The following SYT16 variants were observed in gnomAD, a reference collection of about 807,000 sequenced individuals.
SYT16 encodes synaptotagmin-16.
A neutral mutation model predicts 61.4 loss-of-function variants in SYT16; 42 were observed. That is an observed-to-expected ratio of 0.68 (90% confidence interval 0.53 to 0.89). The LOEUF (loss-of-function observed/expected upper bound fraction) is 0.89, where lower values mean the gene tolerates loss of function less well. SYT16 is among the 40% of genes least tolerant of loss of function. The pLI, the probability that SYT16 is intolerant of heterozygous loss-of-function variation, is 0.00. For synonymous variants in SYT16, 314 were observed against 302.3 expected (o/e 1.04, Z -0.40); for missense variants, 804 against 807.3 (o/e 1.00, Z 0.05).
rs2051486039 is a variant in SYT16, at chr14:61,970,137, C to A, written c.-319C>A. The A allele has an allele frequency of 6.6e-6, 1 of 152,188 alleles. No individual in the cohort carries two copies. Among genetic ancestry groups the A allele is most frequent in the African/African-American group, 2.4e-5 (1 of 41,438 alleles). The allele number at this position is 152,188 out of a possible 1,614,324, so 9.4% of individuals were successfully genotyped here. A position where few individuals can be genotyped will look rare whatever the true frequency, so the allele number is the denominator to read the frequency against. On this transcript the variant is annotated 5_prime_UTR_variant, in exon 2 of 8. Coordinates refer to ENST00000683842, the MANE Select transcript of SYT16 (RefSeq NM_001367656.1). ...TCTTTGTGTTCTCTCACCAGTCACT[C>A]CTGAAGCCATTGGCTTCTTGTCTGC...
At chr14:61,910,229 TTTTTGTTTTGTTTTG>T (rs141861330) in intron 1 of SYT16, among the ~76,000 whole-genome samples, 3,524 of 151,280 alleles carry the variant, frequency 0.023, 146 homozygotes, top group African/African-American at 0.08. Flanking sequence ...CTGTCTCCTT[TTTTTGTTTTGTTTTG>T]TTTTGTTTTT....
rs2057523513 is a variant in SYT16, at chr14:62,106,856, G to A, written c.*6149G>A. On this transcript the variant is annotated 3_prime_UTR_variant, in exon 8 of 8. Transcript: ENST00000683842. ...AACAGCTCGAGGCTTTACAGAACAA[G>A]CTCATAGGCAGTCATGGAGATCTGA... 1 of 152,096 alleles carries A rather than the reference G, an allele frequency of 6.6e-6. No homozygotes were observed. The highest frequency in any genetic ancestry group is 6.5e-5 in the Admixed American group (1 of 15,268). 9.4% of individuals were successfully genotyped at this position (152,096 alleles called of 1,614,324 possible). A position where few individuals can be genotyped will look rare whatever the true frequency, so the allele number is the denominator to read the frequency against.
At chr14:61,942,511 G>A (rs946472731) in intron 1 of SYT16, among the ~76,000 whole-genome samples, 30 of 152,190 alleles carry the variant, frequency 2.0e-4, no homozygotes, top group African/African-American at 7.0e-4. Context: ...TTGGAGAGAT[G>A]TCAGATAAGC....
chr14:61,978,051 A>T (rs2051894496), intron 2 of SYT16, among the ~76,000 whole-genome samples: 1 of 151,884 alleles, frequency 6.6e-6, no homozygotes, highest in African/African-American at 2.4e-5. Flanking sequence ...TCTTCACCTC[A>T]CCTTCTTCTC....
chr14:62,057,071 G>A (rs2140906883), intron 3 of SYT16, among the ~76,000 whole-genome samples: 1 of 152,330 alleles, frequency 6.6e-6, no homozygotes, highest in Non-Finnish European at 1.5e-5. Flanking sequence ...AGGCCCCGTG[G>A]TCAGCCAGGA....
At chr14:62,100,103 T>A (rs1321037528) in intron 7 of SYT16, among the ~76,000 whole-genome samples, 1 of 152,228 alleles carries the variant, frequency 6.6e-6, no homozygotes, top group East Asian at 1.9e-4. Context: ...ATTGCACGTA[T>A]GCCTGTGCAC....
chr14:61,935,587 T>C (rs908422531), intron 1 of SYT16, among the ~76,000 whole-genome samples: 1 of 152,158 alleles, frequency 6.6e-6, no homozygotes, highest in African/African-American at 2.4e-5. Flanking sequence ...GATCTAGTTG[T>C]TGGGGTGGTG....
At chr14:62,052,188 C>G (rs1451931671) in intron 3 of SYT16, among the ~76,000 whole-genome samples, 1 of 151,918 alleles carries the variant, frequency 6.6e-6, no homozygotes, top group Non-Finnish European at 1.5e-5. Context: ...TTTTTGCTTT[C>G]TAATATGTGC....
At chr14:61,948,431 C>G (rs2050535706) in intron 1 of SYT16, among the ~76,000 whole-genome samples, 1 of 151,356 alleles carries the variant, frequency 6.6e-6, no homozygotes, top group South Asian at 2.1e-4. Flanking sequence ...AAAAAAAATT[C>G]TAAGGGAAAG....
chr14:61,859,134 C>T (rs534793405), intron 1 of SYT16, among the ~76,000 whole-genome samples: 1 of 152,190 alleles, frequency 6.6e-6, no homozygotes, highest in South Asian at 2.1e-4. Flanking sequence ...GTTGGGATTA[C>T]AGGCGTGAGC....
intron 2 of SYT16, among the ~76,000 whole-genome samples, chr14:61,992,821 T>C (rs559949612): frequency 6.6e-6 from 1 of 152,162 alleles, no homozygotes; most frequent in East Asian, 1.9e-4. Context: ...GTTGGAAACA[T>C]TCAAATTAAT....
At chr14:62,009,396 T>C (rs1187102826) in intron 3 of SYT16, among the ~76,000 whole-genome samples, 1 of 152,218 alleles carries the variant, frequency 6.6e-6, no homozygotes, top group Admixed American at 6.5e-5. Context: ...CAACCAAGTT[T>C]ACAAGAGGAA....
intron 1 of SYT16, among the ~76,000 whole-genome samples, chr14:61,903,954 C>T (rs956132435): frequency 2.6e-5 from 4 of 152,158 alleles, no homozygotes; most frequent in Admixed American, 1.3e-4. Flanking sequence ...TCAAGTCCTT[C>T]GAGGGTATCA....
chr14:61,826,749 C>T (rs1027482372), intron 1 of SYT16, among the ~76,000 whole-genome samples: 3 of 152,006 alleles, frequency 2.0e-5, no homozygotes, highest in Non-Finnish European at 4.4e-5. Flanking sequence ...TAACAAGATA[C>T]CACTGTCTGG....
At chr14:62,099,875 G>GTGTC (rs955811742) in intron 7 of SYT16, among the ~76,000 whole-genome samples, 34 of 46,508 alleles carry the variant, frequency 7.3e-4, no homozygotes, top group East Asian at 6.8e-3. Context: ...AAGACCTTGT[G>GTGTC]TGTCTGTCTG....
At chr14:61,847,678 T>C (rs912527459) in intron 1 of SYT16, among the ~76,000 whole-genome samples, 2 of 152,188 alleles carry the variant, frequency 1.3e-5, no homozygotes, top group African/African-American at 4.8e-5. Context: ...ATCTCCTCTT[T>C]ATGGCCAATA....
intron 1 of SYT16, among the ~76,000 whole-genome samples, chr14:61,923,097 T>C (rs890290221): frequency 2.0e-5 from 3 of 152,140 alleles, no homozygotes; most frequent in African/African-American, 7.2e-5. Context: ...TACTATTCTT[T>C]CTGCTCATTA....
chr14:61,908,854 G>C (rs1377094511), intron 1 of SYT16, among the ~76,000 whole-genome samples: 2 of 151,880 alleles, frequency 1.3e-5, no homozygotes, highest in African/African-American at 4.8e-5. Flanking sequence ...ACAGAATCTT[G>C]CTCTGTCACC....
intron 7 of SYT16, among the ~76,000 whole-genome samples, chr14:62,093,094 C>T (rs1005697047): frequency 3.3e-5 from 5 of 151,930 alleles, no homozygotes; most frequent in African/African-American, 7.3e-5. Flanking sequence ...ATCTCTGTAC[C>T]TTCTGCTCAA....
Sources: allele counts gnomAD v4.1 joint callset (sites outside exome capture counted in the v4.1 genomes callset), GRCh38; gene constraint gnomAD v4.1.1; transcripts MANE v1.5; gene names NCBI Gene and HGNC (gene_info 2026-07-23, HGNC 2026-07-21).